THEMIS: variants seen among roughly 807,000 people sequenced by gnomAD.
THEMIS encodes thymocyte selection associated.
Under a neutral mutation model 52.6 loss-of-function variants are expected in THEMIS, and 37 were observed. The ratio of observed to expected loss-of-function variants is 0.70; its 90% CI spans 0.54 to 0.93. THEMIS has a LOEUF of 0.93. Ranked by LOEUF, THEMIS falls within the 40% of genes least tolerant of loss-of-function variation. The pLI, the probability that THEMIS is intolerant of heterozygous loss-of-function variation, is 0.00. For missense variants in THEMIS, 808 were observed against 763.1 expected (o/e 1.06, Z -0.69); for synonymous variants, 292 against 272.7 (o/e 1.07, Z -0.70).
At chr6:127,711,544 C>T (rs1773983051) in intron 5 of THEMIS, among the ~76,000 whole-genome samples, 2 of 151,946 alleles carry the variant, frequency 1.3e-5, no homozygotes, top group Non-Finnish European at 1.5e-5. Context: ...GGATTGCATA[C>T]TCTCCTAGAT....
At chr6:127,719,920 CTG>C in intron 4 of THEMIS, 97 bp from the exon 5 acceptor site, 3 of 1,452,694 alleles carry the variant, frequency 2.1e-6, no homozygotes, top group Non-Finnish European at 2.8e-6. Context: ...TTCTGTATGT[CTG>C]AAACAGAACA....
At chr6:127,760,902 G>A (rs1775999523) in intron 4 of THEMIS, among the ~76,000 whole-genome samples, 1 of 152,072 alleles carries the variant, frequency 6.6e-6, no homozygotes, top group Admixed American at 6.6e-5. Flanking sequence ...ATTATTTCAT[G>A]TATATGACAC....
intron 1 of THEMIS, among the ~76,000 whole-genome samples, chr6:127,898,844 A>T (rs1043362003): frequency 6.6e-6 from 1 of 151,940 alleles, no homozygotes; most frequent in African/African-American, 2.4e-5. Flanking sequence ...GAAGGACATT[A>T]GGTTAAGTGA....
intron 4 of THEMIS, among the ~76,000 whole-genome samples, chr6:127,751,422 G>T (rs1282353183): frequency 6.6e-6 from 1 of 151,502 alleles, no homozygotes; most frequent in Non-Finnish European, 1.5e-5. Context: ...CACAAAGAAA[G>T]GCAGATCAAA....
chr6:127,729,169 T>A (rs1227048557), intron 4 of THEMIS, among the ~76,000 whole-genome samples: 1 of 50,704 alleles, frequency 2.0e-5, no homozygotes, highest in Non-Finnish European at 7.8e-5. Flanking sequence ...TCTCTCTCTC[T>A]CTCTCTCTCT....
chr6:127,892,456 G>T (rs1233237000), intron 1 of THEMIS, among the ~76,000 whole-genome samples: 1 of 152,058 alleles, frequency 6.6e-6, no homozygotes, highest in African/African-American at 2.4e-5. Flanking sequence ...CTAAATCTAG[G>T]TTTGTCATTT....
At chr6:127,785,479 A>T (rs940847706) in intron 4 of THEMIS, among the ~76,000 whole-genome samples, 32 of 103,912 alleles carry the variant, frequency 3.1e-4, no homozygotes, top group South Asian at 5.1e-4. Flanking sequence ...AATAAAATTT[A>T]AAAAAAAAAA....
At chr6:127,837,212 A>T (rs1166551943) in intron 2 of THEMIS, among the ~76,000 whole-genome samples, 1 of 152,104 alleles carries the variant, frequency 6.6e-6, no homozygotes. Context: ...ATATCATCAA[A>T]AACTAAGAAT....
chr6:127,813,635 T>A lies in THEMIS; in HGVS notation c.1006A>T (p.Thr336Ser), dbSNP rs1441762110. Residue 336 changes from threonine to serine, a missense_variant, in exon 4 of 6, where the codon ACT (threonine) becomes TCT (serine). By Grantham distance (58) the Thr-to-Ser change is moderately conservative. Transcript: ENST00000368248. ...NFPKRHFLIP[T>S]SYKGKFKRRP... ...CGCTTGAACTTGCCTTTATAGCTAGTGGGGATCAAGAAGTGTCTTTTAGGA... is the reference window on the plus strand; with the variant it reads ...CGCTTGAACTTGCCTTTATAGCTAGAGGGGATCAAGAAGTGTCTTTTAGGA... 3 of 1,613,966 alleles carry A rather than the reference T, an allele frequency of 1.9e-6. No homozygotes were observed. The highest frequency in any genetic ancestry group is 1.6e-4 in the Middle Eastern group (1 of 6,084).
chr6:127,715,165 A>G (rs1774113839), intron 5 of THEMIS, among the ~76,000 whole-genome samples: 2 of 151,920 alleles, frequency 1.3e-5, no homozygotes. Context: ...ATTTTTCTTT[A>G]GGGTGTCAGT....
At chr6:127,716,190 GACAAAA>G (rs1427737219) in intron 5 of THEMIS, among the ~76,000 whole-genome samples, 5 of 151,776 alleles carry the variant, frequency 3.3e-5, no homozygotes, top group African/African-American at 1.2e-4. Context: ...GTTTATGTAG[GACAAAA>G]ACAAATAAGC....
chr6:127,851,074 A>G (rs535040310), intron 2 of THEMIS, among the ~76,000 whole-genome samples: 15 of 151,772 alleles, frequency 9.9e-5, no homozygotes, highest in African/African-American at 3.4e-4. Context: ...AATGTGAAGA[A>G]AATGCAATTG....
intron 2 of THEMIS, among the ~76,000 whole-genome samples, chr6:127,837,103 T>C (rs531977066): frequency 1.3e-5 from 2 of 152,258 alleles, no homozygotes; most frequent in South Asian, 2.1e-4. Context: ...GTTTAAATGC[T>C]GGCTGTCTGG....
At chr6:127,902,500 C>T (rs1203313337), upstream of THEMIS, among the ~76,000 whole-genome samples, 1 of 151,934 alleles carries the variant, frequency 6.6e-6, no homozygotes, top group Non-Finnish European at 1.5e-5. Flanking sequence ...CATCTCAGTT[C>T]TACCATGGCC....
At chr6:127,730,450 A>AAAGAAAGAAACAGAAAGAGACAGAAAG in intron 4 of THEMIS, among the ~76,000 whole-genome samples, 1 of 37,942 alleles carries the variant, frequency 2.6e-5, no homozygotes, top group South Asian at 2.1e-3. Flanking sequence ...AGAACAAACG[A>AAAGAAAGAAACAGAAAGAGACAGAAAG]AAGAAAGAAA....
chr6:127,778,190 A>G (rs773076520), intron 4 of THEMIS, among the ~76,000 whole-genome samples: 1 of 152,152 alleles, frequency 6.6e-6, no homozygotes, highest in Non-Finnish European at 1.5e-5. Flanking sequence ...GCTCAGAAGT[A>G]GCAAATCAGT....
upstream of THEMIS, among the ~76,000 whole-genome samples, chr6:127,905,306 A>G (rs923412373): frequency 6.6e-6 from 1 of 152,076 alleles, no homozygotes; most frequent in African/African-American, 2.4e-5. Context: ...TAGCTGACTT[A>G]CTAACAAAAA....
chr6:127,787,880 T>TAGATAGATAGATAGATATAG lies in THEMIS; in HGVS notation c.1758+25002_1758+25003insCTATATCTATCTATCTATCT, dbSNP rs200767496. 9.1e-3 allele frequency among the ~76,000 whole-genome samples: 1,093 copies of TAGATAGATAGATAGATATAG among 119,938 alleles called. 10 individuals are homozygous for TAGATAGATAGATAGATATAG. Among genetic ancestry groups the TAGATAGATAGATAGATATAG allele is most frequent in the Non-Finnish European group, 0.013 (705 of 53,816 alleles). 78.7% of individuals were successfully genotyped at this position (119,938 alleles called of 152,430 possible). ...ATAGATAGATAGATAGATAGATAGA[T>TAGATAGATAGATAGATATAG]ATAGATAGATAGATAGATAGATAGA... On this transcript the variant is annotated intron_variant, in intron 4 of 5. Coordinates refer to ENST00000368248, the MANE Select transcript of THEMIS (RefSeq NM_001010923.3).
chr6:127,735,809 G>T (rs1287786203), intron 4 of THEMIS, among the ~76,000 whole-genome samples: 1 of 152,182 alleles, frequency 6.6e-6, no homozygotes, highest in Non-Finnish European at 1.5e-5. Context: ...GTTGGAACAG[G>T]TATATTTATT....
Sources: allele counts gnomAD v4.1 joint callset (sites outside exome capture counted in the v4.1 genomes callset), GRCh38; gene constraint gnomAD v4.1.1; transcripts MANE v1.5; gene names NCBI Gene and HGNC (gene_info 2026-07-23, HGNC 2026-07-21).